Variants in PYROXD2 observed in about 807,000 individuals in gnomAD.
PYROXD2 encodes the protein pyridine nucleotide-disulfide oxidoreductase domain-containing protein 2.
Under a neutral mutation model 71.1 loss-of-function variants are expected in PYROXD2, and 69 were observed. The observed-to-expected ratio is 0.97, with a 90% CI of 0.80 to 1.19. The LOEUF (loss-of-function observed/expected upper bound fraction) is 1.19, where lower values mean the gene tolerates loss of function less well. Among genes scored for constraint, PYROXD2 ranks in the 50% most tolerant of loss-of-function variants. PYROXD2 has a pLI of 0.00. For missense variants in PYROXD2, 745 were observed against 748.9 expected, an observed-to-expected ratio of 0.99 and a Z score of 0.06; for synonymous variants, 287 against 302.7, an observed-to-expected ratio of 0.95 and a Z score of 0.54.
At position 98,384,955 on chromosome 10, in the gene PYROXD2, G is replaced by A. The variant is rs2135907496; in HGVS notation, c.1667C>T (p.Ala556Val). 6.2e-7 allele frequency: 1 copy of A among 1,612,174 alleles called. No homozygotes were observed. The highest frequency in any genetic ancestry group is 8.5e-7 in the Non-Finnish European group (1 of 1,179,492). Residue 556 changes from alanine to valine, a missense_variant, in exon 15 of 16, where the codon GCT becomes GTT. Physicochemically the swap from Ala to Val is moderately conservative, Grantham distance 64 (BLOSUM62 0). Coordinates refer to ENST00000370575, the MANE Select transcript of PYROXD2 (RefSeq NM_032709.3). ...LQGLYLCGSG[A>V]HPGGGVMGAA... ...GACTCCAGGTCACTCACCAGGATGA[G>A]CCCCACTTCCACAGAGATACAGGCC... is the stretch of plus-strand genomic sequence containing the variant.
intron 8 of PYROXD2, among the ~76,000 whole-genome samples, chr10:98,394,543 AACACACACACACAC>A (rs58461142): frequency 2.1e-5 from 3 of 141,818 alleles, no homozygotes; most frequent in African/African-American, 7.9e-5. Context: ...TCTCCATCCC[AACACACACACACAC>A]ACACACACAC....
intron 2 of PYROXD2, among the ~76,000 whole-genome samples, chr10:98,408,859 T>C (rs7904805): frequency 0.047 from 7,206 of 152,252 alleles, 551 homozygotes; most frequent in African/African-American, 0.16. Context: ...TTGTTTAATT[T>C]TTCCCACCAG....
intron 8 of PYROXD2, 60 bp from the exon 9 acceptor site, chr10:98,393,143 A>T: frequency 7.7e-7 from 1 of 1,293,746 alleles, no homozygotes; most frequent in Non-Finnish European, 1.0e-6. Context: ...CCAGAGTTCC[A>T]GGTGCAACTA....
At chr10:98,391,412 A>C (rs1842941106) in intron 10 of PYROXD2, among the ~76,000 whole-genome samples, 1 of 152,170 alleles carries the variant, frequency 6.6e-6, no homozygotes, top group Non-Finnish European at 1.5e-5. Flanking sequence ...GAATTGCCTT[A>C]ACAAGTTTCT....
rs1252598946 is a variant in PYROXD2 at position 98,400,180 on chromosome 10, C to A, written c.393G>T (p.Val131=). The A allele has an allele frequency of 1.2e-6, 2 of 1,613,514 alleles. No homozygotes were observed. Among genetic ancestry groups the A allele is most frequent in the South Asian group, 2.2e-5 (2 of 90,876 alleles). The change falls in exon 5 of 16, where the codon GTG becomes GTT. Residue 131 remains valine, a synonymous_variant. Coordinates refer to ENST00000370575, the MANE Select transcript of PYROXD2 (RefSeq NM_032709.3). ...CTGTGCCCAGCAGAAGGCACCTGGG[C>A]ACCTTGCTGCCTGCACCCTCTTCCA... is the stretch of plus-strand genomic sequence containing the variant. ...PMLEEGAGSK[V]PRCLLLGTDM...
intron 13 of PYROXD2, 68 bp from the exon 14 acceptor site, chr10:98,387,375 T>C: frequency 9.1e-7 from 1 of 1,104,044 alleles, no homozygotes; most frequent in Non-Finnish European, 1.3e-6. Context: ...GGTGTACAAC[T>C]TGGCAAATTT....
intron 14 of PYROXD2, among the ~76,000 whole-genome samples, chr10:98,386,061 G>C (rs1842738376): frequency 1.3e-5 from 2 of 151,668 alleles, no homozygotes; most frequent in Admixed American, 1.3e-4. Context: ...AGGATCACTT[G>C]AGCCCCAGAG....
At chr10:98,411,624 G>A (rs1843793134) in intron 1 of PYROXD2, 2 of 152,288 alleles carry the variant, frequency 1.3e-5, no homozygotes, top group South Asian at 2.1e-4. Flanking sequence ...GAGCTGAGAG[G>A]CCTGAATTTG....
chr10:98,386,257 G>A (rs1278516789), intron 14 of PYROXD2, among the ~76,000 whole-genome samples: 1 of 146,532 alleles, frequency 6.8e-6, no homozygotes, highest in Admixed American at 6.8e-5. Flanking sequence ...CTCCAGCCTG[G>A]GTGATAGAAC....
chr10:98,412,802 C>CT (rs1843833776), intron 1 of PYROXD2, among the ~76,000 whole-genome samples: 1 of 152,088 alleles, frequency 6.6e-6, no homozygotes, highest in Non-Finnish European at 1.5e-5. Flanking sequence ...AGGCAAGTCA[C>CT]CAAGGCAGCT....
chr10:98,393,907 C>T (rs942812), intron 8 of PYROXD2, among the ~76,000 whole-genome samples: 2 of 152,148 alleles, frequency 1.3e-5, no homozygotes, highest in Middle Eastern at 3.4e-3. Flanking sequence ...GTGGATCACA[C>T]GTTCTCTCAA....
intron 9 of PYROXD2, 148 bp from the exon 10 acceptor site, chr10:98,392,714 G>A: frequency 7.3e-7 from 1 of 1,379,296 alleles, no homozygotes; most frequent in Non-Finnish European, 9.7e-7. Context: ...GCTTCTCCAT[G>A]AAGCCTCAGC....
At chr10:98,411,216 T>G in intron 1 of PYROXD2, 1 of 541,156 alleles carries the variant, frequency 1.8e-6, no homozygotes, top group East Asian at 3.2e-5. Flanking sequence ...GGTCAGGGGC[T>G]CTGCTGGAGT....
chr10:98,410,937 A>G lies in PYROXD2; in HGVS notation c.147+2T>C, dbSNP rs1387914465. 1 of 1,563,944 alleles carries G rather than the reference A, an allele frequency of 6.4e-7. No homozygotes were observed. The highest frequency in any genetic ancestry group is 2.3e-5 in the East Asian group (1 of 42,656). The stretch of plus-strand genomic sequence containing the variant: ...AGTGGGATCAAGTGGGGAGGTACTC[A>G]CAGCCACCAGTCCGTTGTGTCCTGC... On this transcript the variant is annotated splice_donor_variant, in intron 2 of 15. Transcript: ENST00000370575. LOFTEE classifies it high-confidence loss of function.
chr10:98,386,525 T>C (rs1318552040), intron 14 of PYROXD2, among the ~76,000 whole-genome samples: 2 of 151,220 alleles, frequency 1.3e-5, no homozygotes, highest in Non-Finnish European at 2.9e-5. Context: ...CATCTCACTT[T>C]GGCCTCAGAT....
rs1842913726 is a variant in PYROXD2 at position 98,390,599 on chromosome 10, T to A, written c.1291A>T (p.Arg431Trp). Residue 431 changes from arginine (R) to tryptophan (W), a missense_variant and splice_region_variant, in exon 12 of 16, where the codon AGG becomes TGG. Arg to Trp is a moderately radical substitution (Grantham distance 101). Transcript: ENST00000370575. Reference sequence around the variant, plus strand: ...GAACATAAAGTCCAGGGCCCCTACCTGTGGGAAGGCAGGCCATCCATGGCA... The same window carrying A: ...GAACATAAAGTCCAGGGCCCCTACCAGTGGGAAGGCAGGCCATCCATGGCA... Reference protein sequence around the residue: ...EDAMDGLPSHRPVIELCIPSS... With the variant: ...EDAMDGLPSHWPVIELCIPSS... 6.3e-7 allele frequency: 1 copy of A among 1,587,890 alleles called. No individual in the cohort carries two copies. The highest frequency in any genetic ancestry group is 8.6e-7 in the Non-Finnish European group (1 of 1,166,856).
In PYROXD2 at chr10:98,390,774, G is replaced by C. The variant is rs1225848504; in HGVS notation, c.1136-20C>G. ...CGGCCACTGAGGGACCAAAGAGGAG[G>C]GTCAGGTCTTAGCCCCACAAGGTCC... is the stretch of plus-strand genomic sequence containing the variant. On this transcript the variant is annotated intron_variant, in intron 11 of 15. Transcript: ENST00000370575. 6.4e-7 allele frequency: 1 copy of C among 1,563,376 alleles called. No homozygotes were observed. The highest frequency in any genetic ancestry group is 8.7e-7 in the Non-Finnish European group (1 of 1,153,848).
rs145733762 is a variant in PYROXD2, at chr10:98,397,374, A to G, written c.596T>C (p.Leu199Pro). ...CTTCAGCAGGGGCTTGAGGGTGGAG[A>G]GCGACCTCATCCTTTGCAGCAAGGA... ...HGSLLQRMRSLSTLKPLLKAG... is the reference protein window; with the variant it reads ...HGSLLQRMRSPSTLKPLLKAG... Residue 199 changes from leucine to proline, a missense_variant, in exon 6 of 16, where the codon CTC becomes CCC. Leu to Pro is a moderately conservative substitution (Grantham distance 98). Transcript: ENST00000370575. The G allele has an allele frequency of 6.5e-5, 104 of 1,610,166 alleles. No individual in the cohort carries two copies. Among genetic ancestry groups the G allele is most frequent in the Middle Eastern group, 1.7e-4 (1 of 6,048 alleles).
chr10:98,399,649 C>T (rs1843320698), intron 5 of PYROXD2, among the ~76,000 whole-genome samples: 1 of 152,258 alleles, frequency 6.6e-6, no homozygotes, highest in Non-Finnish European at 1.5e-5. Context: ...ATTTAGAACT[C>T]TCCTGTCCTA....
Sources: gnomAD v4.1 joint callset for allele counts (sites outside exome capture counted in the v4.1 genomes callset) on GRCh38, gnomAD v4.1.1 for gene constraint, MANE v1.5 for transcripts, NCBI Gene and HGNC (gene_info 2026-07-23, HGNC 2026-07-21) for gene names.